Variants in NUP98 observed in about 807,000 individuals in gnomAD.
NUP98 encodes nucleoporin 98 and 96 precursor.
Under a neutral mutation model 191.9 loss-of-function variants are expected in NUP98, and 26 were observed. The ratio of observed to expected loss-of-function variants is 0.14; its 90% CI spans 0.10 to 0.19. The LOEUF (loss-of-function observed/expected upper bound fraction) is 0.19. Among genes scored for constraint, NUP98 ranks in the 10% least tolerant of loss-of-function variants. The pLI, the probability that NUP98 is intolerant of heterozygous loss-of-function variation, is 1.00. For synonymous variants in NUP98, 808 were observed against 778.4 expected, an observed-to-expected ratio of 1.04 and a Z score of -0.63; for missense variants, 1,941 against 2,178.8, an observed-to-expected ratio of 0.89 and a Z score of 2.17.
chr11:3,698,534 C>A lies in NUP98; in HGVS notation c.4009+548G>T, dbSNP rs184643036. 8.6e-3 allele frequency among the ~76,000 whole-genome samples: 1,303 copies of A among 151,460 alleles called. 15 individuals are homozygous for A. Among genetic ancestry groups the A allele is most frequent in the African/African-American group, 0.03 (1,252 of 41,284 alleles). ...CCTGAGGTCAGGAGTTCGAGACCAG[C>A]CTGACCAACATGGTGAAACCCTGTC... On this transcript the variant is annotated intron_variant, in intron 25 of 32. Coordinates refer to ENST00000324932, the MANE Select transcript of NUP98 (RefSeq NM_016320.5).
At chr11:3,683,052 C>A in intron 30 of NUP98, 148 bp downstream of exon 30, 1 of 1,159,818 alleles carries the variant, frequency 8.6e-7, no homozygotes, top group Non-Finnish European at 1.2e-6. Context: ...GGCTAAGCCT[C>A]TTCTGCAGAG....
intron 20 of NUP98, among the ~76,000 whole-genome samples, chr11:3,709,515 C>G (rs958540413): frequency 1.3e-5 from 2 of 151,890 alleles, no homozygotes; most frequent in African/African-American, 2.4e-5. Context: ...CCAGCCTGGG[C>G]AACACAGCAA....
intron 5 of NUP98, among the ~76,000 whole-genome samples, chr11:3,775,163 C>T (rs1326653439): frequency 1.3e-5 from 2 of 152,178 alleles, no homozygotes; most frequent in African/African-American, 4.8e-5. Flanking sequence ...ATCAACAAAA[C>T]CTGTATTTTT....
intron 7 of NUP98, 42 bp from the exon 8 acceptor site, chr11:3,768,786 A>C: frequency 6.9e-7 from 1 of 1,444,514 alleles, no homozygotes; most frequent in Non-Finnish European, 9.2e-7. Flanking sequence ...GAAATAATAA[A>C]AAAAATGTAA....
At chr11:3,743,369 T>C (rs1206912200) in intron 12 of NUP98, among the ~76,000 whole-genome samples, 3 of 146,482 alleles carry the variant, frequency 2.0e-5, no homozygotes, top group Non-Finnish European at 4.5e-5. Flanking sequence ...AATTTCGGCC[T>C]GGCGTGGTGG....
chr11:3,689,593 T>C (rs1018632987), intron 28 of NUP98, among the ~76,000 whole-genome samples: 1 of 152,082 alleles, frequency 6.6e-6, no homozygotes, highest in South Asian at 2.1e-4. Flanking sequence ...TTAGAAATAA[T>C]AGCATGTGTT....
At chr11:3,698,877 G>A (rs1346080006) in intron 25 of NUP98, 3 of 600,248 alleles carry the variant, frequency 5.0e-6, no homozygotes, top group Non-Finnish European at 8.7e-6. Context: ...CTCTGTTTAG[G>A]ACCTTAAACA....
intron 8 of NUP98, among the ~76,000 whole-genome samples, chr11:3,766,945 C>T (rs945919390): frequency 6.6e-6 from 1 of 152,078 alleles, no homozygotes. Context: ...CCCACTTAGT[C>T]ATGGATTATG....
chr11:3,683,038 T>C (rs1460085352), intron 30 of NUP98, among the ~76,000 whole-genome samples, 162 bp downstream of exon 30: 1 of 152,228 alleles, frequency 6.6e-6, no homozygotes, highest in Non-Finnish European at 1.5e-5. Context: ...TAGCGCCTCA[T>C]CCTGGCTAAG....
Position 3,676,111 on chromosome 11 carries a change from C to T in NUP98, c.*48G>A, listed in dbSNP as rs369713220. 2 of 1,566,894 alleles carry T rather than the reference C, an allele frequency of 1.3e-6. No individual in the cohort carries two copies. The highest frequency in any genetic ancestry group is 1.7e-6 in the Non-Finnish European group (2 of 1,145,700). On this transcript the variant is annotated 3_prime_UTR_variant, in exon 33 of 33. Coordinates refer to ENST00000324932, the MANE Select transcript of NUP98 (RefSeq NM_016320.5). ...CCAATCCAAACAAGGCAGGGAACCTCTGTGTGGTGTGAATGGGCATGTGAC... is the reference window on the plus strand; with the variant it reads ...CCAATCCAAACAAGGCAGGGAACCTTTGTGTGGTGTGAATGGGCATGTGAC...
Position 3,679,118 on chromosome 11 carries a change from G to GT in NUP98, c.5073+435dup, listed in dbSNP as rs1564797452. Among the ~76,000 whole-genome samples the GT allele has an allele frequency of 5.9e-5, 5 of 84,918 alleles. 1 individual carries two copies. Among genetic ancestry groups the GT allele is most frequent in the Non-Finnish European group, 4.6e-5 (2 of 43,394 alleles). The allele number at this position is 84,918 out of a possible 152,430, so 55.7% of individuals were successfully genotyped here. On this transcript the variant is annotated intron_variant, in intron 31 of 32. Transcript: ENST00000324932. ...AGCCTGGATGACAGAGCAAGACTCT[G>GT]TTCCAAAAAAAAAAAAAAAAAAAAA... is the stretch of plus-strand genomic sequence containing the variant.
At chr11:3,744,476 T>C in intron 12 of NUP98, 33 bp downstream of exon 12, 1 of 1,570,094 alleles carries the variant, frequency 6.4e-7, no homozygotes, top group Non-Finnish European at 8.6e-7. Context: ...AGCAAAAAAT[T>C]AAGAAAAGCC....
At chr11:3,707,635 G>A (rs1437133216) in intron 20 of NUP98, among the ~76,000 whole-genome samples, 1 of 148,188 alleles carries the variant, frequency 6.7e-6, no homozygotes, top group Non-Finnish European at 1.5e-5. Flanking sequence ...GGGATTACAG[G>A]CACATGCCTA....
Position 3,712,648 on chromosome 11 carries a change from C to T in NUP98, c.2658G>A (p.Lys886=). The change falls in exon 20 of 33, where the codon AAG becomes AAA. Residue 886 remains lysine (K), a synonymous_variant. Coordinates refer to ENST00000324932, the MANE Select transcript of NUP98 (RefSeq NM_016320.5). ...CAGGAGGCAAAGGAGCAGTCTTCAA[C>T]TTCTTTGTACTAGTTTTAGACGGAT... The part of the protein sequence containing the change: ...EEHPSKTSTK[K]LKTAPLPPAS... 6.2e-7 allele frequency: 1 copy of T among 1,613,772 alleles called. No homozygotes were observed. Among genetic ancestry groups the T allele is most frequent in the Non-Finnish European group, 8.5e-7 (1 of 1,179,994 alleles).
intron 30 of NUP98, among the ~76,000 whole-genome samples, chr11:3,681,301 A>G (rs758035037): frequency 6.6e-6 from 1 of 152,178 alleles, no homozygotes; most frequent in Non-Finnish European, 1.5e-5. Context: ...TTGGCCTCCC[A>G]AAGTACTGGG....
chr11:3,686,919 G>A (rs975155361), intron 28 of NUP98, among the ~76,000 whole-genome samples: 5 of 152,064 alleles, frequency 3.3e-5, no homozygotes, highest in Admixed American at 6.6e-5. Flanking sequence ...CCCAGGAGGC[G>A]GAGGTTGTGG....
chr11:3,770,504 GAAAAGA>G (rs1388653732), intron 7 of NUP98, among the ~76,000 whole-genome samples: 3 of 151,352 alleles, frequency 2.0e-5, no homozygotes, highest in Non-Finnish European at 2.9e-5. Context: ...GAAAAGAAAA[GAAAAGA>G]AAAAGTAGGT....
intron 1 of NUP98, among the ~76,000 whole-genome samples, chr11:3,784,001 A>G (rs2082059329): frequency 6.6e-6 from 1 of 152,222 alleles, no homozygotes; most frequent in Non-Finnish European, 1.5e-5. Context: ...GCTAGCAGAC[A>G]ATAAATTAAT....
chr11:3,778,898 T>C lies in NUP98; in HGVS notation c.330A>G (p.Ala110=), dbSNP rs747366978. Residue 110 remains alanine, a synonymous_variant, in exon 4 of 33, where the codon GCA becomes GCG. Transcript: ENST00000324932. ...TGCCAAAGCCAGTTGGTTTATTTTG[T>C]GCAAAGGCATTGTTTTGGGATGAGA... The part of the protein sequence containing the change: ...SLFSSQNNAF[A]QNKPTGFGNF... 6.2e-7 allele frequency: 1 copy of C among 1,614,046 alleles called. No homozygotes were observed. Among genetic ancestry groups the C allele is most frequent in the African/African-American group, 1.3e-5 (1 of 74,918 alleles).
Sources: gnomAD v4.1 joint callset for allele counts (sites outside exome capture counted in the v4.1 genomes callset) on GRCh38, gnomAD v4.1.1 for gene constraint, MANE v1.5 for transcripts, NCBI Gene and HGNC (gene_info 2026-07-23, HGNC 2026-07-21) for gene names.